ANKRD12: variants seen among roughly 807,000 people sequenced by gnomAD.
The protein encoded by ANKRD12 is ankyrin repeat domain-containing protein 12.
A neutral mutation model predicts 183.4 loss-of-function variants in ANKRD12; 85 were observed. The observed-to-expected ratio is 0.46, with a 90% CI of 0.39 to 0.56. The LOEUF (loss-of-function observed/expected upper bound fraction) is 0.56, where lower values mean the gene tolerates loss of function less well. Among genes scored for constraint, ANKRD12 ranks in the 20% least tolerant of loss-of-function variants. The pLI, the probability that ANKRD12 is intolerant of heterozygous loss-of-function variation, is 0.00. For synonymous variants in ANKRD12, 914 were observed against 800.2 expected (o/e 1.14, Z -2.40); for missense variants, 2,405 against 2,357.1 (o/e 1.02, Z -0.42).
intron 2 of ANKRD12, among the ~76,000 whole-genome samples, chr18:9,184,295 T>C (rs1369801462): frequency 6.6e-6 from 1 of 152,254 alleles, no homozygotes; most frequent in Non-Finnish European, 1.5e-5. Flanking sequence ...TACTATCTGG[T>C]GTAAGAATTT....
At chr18:9,249,200 T>G (rs968153647) in intron 8 of ANKRD12, among the ~76,000 whole-genome samples, 5 of 152,178 alleles carry the variant, frequency 3.3e-5, no homozygotes, top group African/African-American at 7.2e-5. Context: ...CATAATGATG[T>G]TACCTTCCTT....
intron 1 of ANKRD12, among the ~76,000 whole-genome samples, chr18:9,177,199 A>G (rs949668051): frequency 1.3e-5 from 2 of 152,160 alleles, no homozygotes; most frequent in Non-Finnish European, 2.9e-5. Flanking sequence ...GCAGTGTAAT[A>G]GCCACCAAGA....
chr18:9,205,586 T>G (rs933915581), intron 4 of ANKRD12, among the ~76,000 whole-genome samples: 1 of 152,130 alleles, frequency 6.6e-6, no homozygotes, highest in Admixed American at 6.5e-5. Context: ...TTAGGCATGC[T>G]TTTCTAAAAG....
At position 9,281,123 on chromosome 18, in the gene ANKRD12, A is replaced by G; in HGVS notation, c.6186A>G (p.Ile2062Met). 7 of 1,612,634 alleles carry G rather than the reference A, an allele frequency of 4.3e-6. No individual in the cohort carries two copies. Among genetic ancestry groups the G allele is most frequent in the Non-Finnish European group, 5.9e-6 (7 of 1,179,144 alleles). Residue 2062 changes from isoleucine to methionine, a missense_variant, in exon 13 of 13, where the codon ATA becomes ATG. Physicochemically the swap from Ile to Met is conservative, Grantham distance 10 (BLOSUM62 1). Transcript: ENST00000262126. ...ACGACGACTTTGAATTGACTCCTAT[A>G]TAGCAGTCAGTACTTCCTGATGGTA... Reference protein sequence around the residue: ...DVNDDFELTPI With the variant: ...DVNDDFELTPM
intron 10 of ANKRD12, among the ~76,000 whole-genome samples, chr18:9,267,530 A>G (rs960426979): frequency 1.3e-5 from 2 of 152,228 alleles, no homozygotes; most frequent in Non-Finnish European, 2.9e-5. Flanking sequence ...TACTGGGTAC[A>G]TAACGAAATG....
intron 8 of ANKRD12, among the ~76,000 whole-genome samples, chr18:9,234,509 G>A (rs911411823): frequency 6.6e-6 from 1 of 152,092 alleles, no homozygotes; most frequent in Admixed American, 6.5e-5. Context: ...TTATTTCCCT[G>A]GAGAATACTC....
intron 1 of ANKRD12, among the ~76,000 whole-genome samples, chr18:9,168,531 T>C (rs1214476980): frequency 6.6e-6 from 1 of 152,226 alleles, no homozygotes; most frequent in Non-Finnish European, 1.5e-5. Context: ...TATTCTCTGA[T>C]AGTAGTTTGT....
intron 10 of ANKRD12, among the ~76,000 whole-genome samples, chr18:9,270,089 C>T (rs1439470025): frequency 6.6e-6 from 1 of 152,098 alleles, no homozygotes; most frequent in African/African-American, 2.4e-5. Context: ...GTTAGAATGG[C>T]GATCATTAAA....
At chr18:9,169,318 T>C (rs1422247610) in intron 1 of ANKRD12, among the ~76,000 whole-genome samples, 2 of 152,190 alleles carry the variant, frequency 1.3e-5, no homozygotes, top group South Asian at 4.1e-4. Flanking sequence ...AGTGGGGTGT[T>C]AAAGTCTCCC....
At position 9,254,567 on chromosome 18, in the gene ANKRD12, C is replaced by T. The variant is rs754932862; in HGVS notation, c.1300C>T (p.Leu434Phe). 8 of 1,565,854 alleles carry T rather than the reference C, an allele frequency of 5.1e-6. No homozygotes were observed. Among genetic ancestry groups the T allele is most frequent in the East Asian group, 2.3e-5 (1 of 44,148 alleles). ...TACTGAAAGTTCTGATGAAGAAGCT[C>T]TTCAGAATAAAAAGATTTCTACTTC... The part of the protein sequence containing the change: ...SSTESSDEEA[L>F]QNKKISTSCS... The change falls in exon 9 of 13, where the codon CTT (leucine) becomes TTT (phenylalanine). Residue 434 changes from leucine (L) to phenylalanine (F), a missense_variant. This residue lies in a region of ANKRD12 where 1,983 missense variants were observed against 1,725.9 expected (regional missense o/e 1.15). Coordinates refer to ENST00000262126, the MANE Select transcript of ANKRD12 (RefSeq NM_015208.5).
Position 9,201,045 on chromosome 18 carries a change from C to T in ANKRD12, c.236-3431C>T, listed in dbSNP as rs200379752. ...CTGGTGAGATTTGGCCTTTTTGTTT[C>T]TGCATCTGATTAGTTAGCCTATTCT... On this transcript the variant is annotated intron_variant, in intron 3 of 12. Transcript: ENST00000262126. Among the ~76,000 whole-genome samples, 9 of 152,276 alleles carry T rather than the reference C, an allele frequency of 5.9e-5. No homozygotes were observed. The East Asian group carries it at 1.7e-3, about 29-fold the overall frequency.
intron 8 of ANKRD12, among the ~76,000 whole-genome samples, chr18:9,233,929 C>G (rs1245273112): frequency 6.6e-6 from 1 of 152,136 alleles, no homozygotes; most frequent in Non-Finnish European, 1.5e-5. Flanking sequence ...AGTAACGGCA[C>G]AGTGGGCTGG....
Position 9,208,788 on chromosome 18 carries a change from A to G in ANKRD12, c.436A>G (p.Arg146Gly), listed in dbSNP as rs2035622191. The part of the protein sequence containing the change: ...QMALLMQMTA[R>G]DNSPDSTPNH... ...GGCACTTCTTATGCAGATGACAGCAAGAGACAACAGTCCAGGTGATACCTA... is the reference window on the plus strand; with the variant it reads ...GGCACTTCTTATGCAGATGACAGCAGGAGACAACAGTCCAGGTGATACCTA... Residue 146 changes from arginine to glycine, a missense_variant, in exon 5 of 13, where the codon AGA becomes GGA. By Grantham distance (125) the Arg-to-Gly change is moderately radical. Around this residue, in one of 7 missense-constraint regions of ANKRD12, gnomAD observed 35 missense variants for 37.5 expected, o/e 0.93. Coordinates refer to ENST00000262126, the MANE Select transcript of ANKRD12 (RefSeq NM_015208.5). The G allele has an allele frequency of 6.2e-7, 1 of 1,601,614 alleles. No individual in the cohort carries two copies. The highest frequency in any genetic ancestry group is 8.5e-7 in the Non-Finnish European group (1 of 1,174,198).
At chr18:9,157,017 C>T (rs1033129400) in intron 1 of ANKRD12, among the ~76,000 whole-genome samples, 2 of 152,174 alleles carry the variant, frequency 1.3e-5, no homozygotes, top group African/African-American at 4.8e-5. Context: ...GTTTCAGTTA[C>T]AGAAGATGAT....
At position 9,222,216 on chromosome 18, in the gene ANKRD12, A is replaced by G. The variant is rs1042317929; in HGVS notation, c.943+217A>G. Among the ~76,000 whole-genome samples, 15 of 152,176 alleles carry G rather than the reference A, an allele frequency of 9.9e-5. No homozygotes were observed. The South Asian group carries it at 1.5e-3, about 15-fold the overall frequency. Reference sequence around the variant, plus strand: ...AATGAAGTCATAATGCCATTGCCCCATTTCTGTTTTCTATAAATTGCTGAA... The same window carrying G: ...AATGAAGTCATAATGCCATTGCCCCGTTTCTGTTTTCTATAAATTGCTGAA... On this transcript the variant is annotated intron_variant, in intron 8 of 12. Transcript: ENST00000262126.
At chr18:9,248,339 A>G (rs766365913) in intron 8 of ANKRD12, among the ~76,000 whole-genome samples, 1 of 152,270 alleles carries the variant, frequency 6.6e-6, no homozygotes, top group South Asian at 2.1e-4. Context: ...CTGTACAATT[A>G]TTAAAATCAT....
intron 8 of ANKRD12, among the ~76,000 whole-genome samples, chr18:9,226,531 C>T (rs796757193): frequency 4.6e-5 from 7 of 152,264 alleles, no homozygotes; most frequent in African/African-American, 1.7e-4. Flanking sequence ...TCATGATAAA[C>T]ATGATTAGAC....
At chr18:9,166,609 G>T (rs2032098062) in intron 1 of ANKRD12, among the ~76,000 whole-genome samples, 2 of 152,010 alleles carry the variant, frequency 1.3e-5, no homozygotes, top group African/African-American at 4.8e-5. Context: ...TGTAGATTCT[G>T]GATATTAGCC....
At chr18:9,192,236 G>T (rs991201501) in intron 2 of ANKRD12, among the ~76,000 whole-genome samples, 1 of 152,160 alleles carries the variant, frequency 6.6e-6, no homozygotes, top group Non-Finnish European at 1.5e-5. Context: ...AAAATAGCTC[G>T]AGGATGTTAG....
Sources: gnomAD v4.1 joint callset for allele counts (sites outside exome capture counted in the v4.1 genomes callset) on GRCh38, gnomAD v4.1.1 for gene constraint, gnomAD v4.1.1 regional missense constraint, MANE v1.5 for transcripts, NCBI Gene and HGNC (gene_info 2026-07-23, HGNC 2026-07-21) for gene names.